ZNF714: variants seen among roughly 807,000 people sequenced by gnomAD.
The protein encoded by ZNF714 is zinc finger protein 714.
ZNF714 carries 32 observed loss-of-function variants against 46.2 expected under a neutral mutation model. That is an observed-to-expected ratio of 0.69 (90% CI 0.52 to 0.93). The LOEUF is 0.93. Ranked by LOEUF, ZNF714 falls within the 40% of genes least tolerant of loss-of-function variation. The pLI is 0.00. For missense variants in ZNF714, 635 were observed against 646.3 expected, an observed-to-expected ratio of 0.98 and a Z score of 0.19; for synonymous variants, 199 against 213.1, an observed-to-expected ratio of 0.93 and a Z score of 0.58.
In ZNF714 at chr19:21,116,872, G is replaced by T. The variant is rs199675041; in HGVS notation, c.208G>T (p.Val70Leu). ...EQDIKDSFQQ[V>L]ILRRHGKCEH... Reference sequence around the variant, plus strand: ...AGACATAAAAGATTCTTTTCAACAAGTGATACTGAGAAGACATGGCAAATG... The same window carrying T: ...AGACATAAAAGATTCTTTTCAACAATTGATACTGAGAAGACATGGCAAATG... Residue 70 changes from valine to leucine, a missense_variant, in exon 5 of 5, where the codon GTG (valine) becomes TTG (leucine). Val to Leu is a conservative substitution (Grantham distance 32). Coordinates refer to ENST00000456283, the MANE Select transcript of ZNF714 (RefSeq NM_182515.4). 67 of 1,613,426 alleles carry T rather than the reference G, an allele frequency of 4.2e-5. No individual in the cohort carries two copies. The African/African-American group carries it at 8.0e-4, about 19-fold the overall frequency.
At chr19:21,100,884 T>C (rs1969162638) in intron 4 of ZNF714, among the ~76,000 whole-genome samples, 1 of 151,970 alleles carries the variant, frequency 6.6e-6, no homozygotes, top group South Asian at 2.1e-4. Context: ...ATTTTTTTTG[T>C]AGTTTTAGTA....
chr19:21,108,618 A>G (rs778699612), intron 4 of ZNF714, among the ~76,000 whole-genome samples: 28 of 152,158 alleles, frequency 1.8e-4, no homozygotes, highest in South Asian at 2.1e-4. Context: ...GTCTTCCACC[A>G]TGATTGTAAG....
At chr19:21,105,049 G>T (rs1969278666) in intron 4 of ZNF714, among the ~76,000 whole-genome samples, 1 of 137,682 alleles carries the variant, frequency 7.3e-6, no homozygotes, top group Non-Finnish European at 1.5e-5. Flanking sequence ...TTTTGAGACG[G>T]AGTCTCACTC....
rs112111368 is a variant in ZNF714, at chr19:21,108,742, C to T, written c.143-8065C>T. Among the ~76,000 whole-genome samples, 157 of 152,282 alleles carry T rather than the reference C, an allele frequency of 1.0e-3. 1 individual carries two copies. The highest frequency in any genetic ancestry group is 3.2e-3 in the African/African-American group (135 of 41,542). On this transcript the variant is annotated intron_variant, in intron 4 of 4. Coordinates refer to ENST00000456283, the MANE Select transcript of ZNF714 (RefSeq NM_182515.4). ...ATAAGTTATACACTCAGGTATTCCT[C>T]TTTATGCAAAATAGTTAATACAGTC...
rs1393993130 is a variant in ZNF714, at chr19:21,117,351, C to T, written c.687C>T (p.Tyr229=). ...TGATTCATACTGGAGAGAAACCCTACAGATGTGAAGAATGTGGCAAAGCCT... is the reference window on the plus strand; with the variant it reads ...TGATTCATACTGGAGAGAAACCCTATAGATGTGAAGAATGTGGCAAAGCCT... ...HKMIHTGEKP[Y]RCEECGKAFY... The change falls in exon 5 of 5, where the codon TAC becomes TAT. Residue 229 remains tyrosine (Y), a synonymous_variant. Coordinates refer to ENST00000456283, the MANE Select transcript of ZNF714 (RefSeq NM_182515.4). 9 of 1,612,280 alleles carry T rather than the reference C, an allele frequency of 5.6e-6. No individual in the cohort carries two copies. Among genetic ancestry groups the T allele is most frequent in the Non-Finnish European group, 7.6e-6 (9 of 1,178,732 alleles).
At chr19:21,101,475 C>T (rs531158248) in intron 4 of ZNF714, among the ~76,000 whole-genome samples, 14 of 152,184 alleles carry the variant, frequency 9.2e-5, no homozygotes, top group African/African-American at 3.4e-4. Flanking sequence ...AGGGCAGACA[C>T]GAGGGCAGTG....
chr19:21,093,542 GTTTTTGTT>G (rs1369773463), intron 2 of ZNF714, among the ~76,000 whole-genome samples: 1 of 151,112 alleles, frequency 6.6e-6, no homozygotes, highest in Admixed American at 6.6e-5. Context: ...GTTTTTTTTT[GTTTTTGTT>G]TTTTTGTTTT....
rs1304241314 is a variant in ZNF714 at position 21,124,918 on chromosome 19, TTAAAA to T, written c.*6590_*6594del. ...TGTCCTCCAGCTTAATCTATGTAAT[TTAAAA>T]TAATATAATTTTTTTCTTTTTTTTT... On this transcript the variant is annotated 3_prime_UTR_variant, in exon 5 of 5. Coordinates refer to ENST00000456283, the MANE Select transcript of ZNF714 (RefSeq NM_182515.4). The T allele has an allele frequency of 2.1e-5, 3 of 146,052 alleles. No homozygotes were observed. The highest frequency in any genetic ancestry group is 5.0e-5 in the African/African-American group (2 of 40,092). 9.0% of individuals were successfully genotyped at this position (146,052 alleles called of 1,614,324 possible).
At chr19:21,113,235 A>T (rs1969502511) in intron 4 of ZNF714, 1 of 152,062 alleles carries the variant, frequency 6.6e-6, no homozygotes, top group South Asian at 2.1e-4. Flanking sequence ...GTGGCTGTGG[A>T]TGCCAGCCTC....
rs1969765692 is a variant in ZNF714 at position 21,124,701 on chromosome 19, T to C, written c.*6369T>C. Reference sequence around the variant, plus strand: ...TTGTACAATAAATCTCTTGAACTTATTTCTCCTATTTGACTATAATTACTT... The same window carrying C: ...TTGTACAATAAATCTCTTGAACTTACTTCTCCTATTTGACTATAATTACTT... On this transcript the variant is annotated 3_prime_UTR_variant, in exon 5 of 5. Transcript: ENST00000456283. 6.6e-6 allele frequency among the ~76,000 whole-genome samples: 1 copy of C among 152,136 alleles called. No individual in the cohort carries two copies. Among genetic ancestry groups the C allele is most frequent in the African/African-American group, 2.4e-5 (1 of 41,450 alleles).
At chr19:21,108,317 A>G (rs1969369404) in intron 4 of ZNF714, among the ~76,000 whole-genome samples, 1 of 152,200 alleles carries the variant, frequency 6.6e-6, no homozygotes. Flanking sequence ...TCTTGCTTTT[A>G]ACTGAAAAGT....
intron 4 of ZNF714, among the ~76,000 whole-genome samples, chr19:21,110,887 G>A (rs1240088632): frequency 6.6e-6 from 1 of 152,156 alleles, no homozygotes; most frequent in Non-Finnish European, 1.5e-5. Flanking sequence ...TCAAAGATCA[G>A]ATGGTTGTAG....
At chr19:21,087,655 T>C (rs928451590) in intron 2 of ZNF714, among the ~76,000 whole-genome samples, 2 of 152,210 alleles carry the variant, frequency 1.3e-5, no homozygotes, top group Non-Finnish European at 2.9e-5. Context: ...TTTATCTCAA[T>C]GTTCAATTTA....
Position 21,124,387 on chromosome 19 carries a change from A to T in ZNF714, c.*6055A>T, listed in dbSNP as rs578171478. On this transcript the variant is annotated 3_prime_UTR_variant, in exon 5 of 5. Transcript: ENST00000456283. ...TATCAGAGTTCCTATGATTATGACT[A>T]AAAAATTAAATGACAATAGTCCCCA... Among the ~76,000 whole-genome samples, 8 of 152,342 alleles carry T rather than the reference A, an allele frequency of 5.3e-5. No homozygotes were observed. Among genetic ancestry groups the T allele is most frequent in the South Asian group, 4.1e-4 (2 of 4,826 alleles).
chr19:21,085,821 G>A (rs1968764120), intron 2 of ZNF714, among the ~76,000 whole-genome samples: 1 of 150,720 alleles, frequency 6.6e-6, no homozygotes, highest in Non-Finnish European at 1.5e-5. Context: ...TGATGATAAA[G>A]TTGTTATTGT....
intron 4 of ZNF714, among the ~76,000 whole-genome samples, chr19:21,107,707 G>A (rs1332752949): frequency 1.3e-5 from 2 of 152,116 alleles, no homozygotes; most frequent in African/African-American, 4.8e-5. Flanking sequence ...ATTTGTTTTA[G>A]AGACAGGGTT....
At chr19:21,099,521 A>G (rs1011082233) in intron 4 of ZNF714, among the ~76,000 whole-genome samples, 3 of 152,014 alleles carry the variant, frequency 2.0e-5, no homozygotes, top group African/African-American at 7.2e-5. Context: ...CTCTTTTTGC[A>G]TCCTGTCTGA....
At chr19:21,083,593 T>A (rs1185321607) in intron 1 of ZNF714, among the ~76,000 whole-genome samples, 3 of 152,228 alleles carry the variant, frequency 2.0e-5, no homozygotes, top group Non-Finnish European at 2.9e-5. Context: ...TATCACCTGT[T>A]TGTCTTTTAG....
At chr19:21,110,334 G>C (rs1287058418) in intron 4 of ZNF714, among the ~76,000 whole-genome samples, 1 of 152,184 alleles carries the variant, frequency 6.6e-6, no homozygotes, top group South Asian at 2.1e-4. Flanking sequence ...ATTTGCATTT[G>C]TTTAATGATC....
Sources: gnomAD v4.1 joint callset for allele counts (sites outside exome capture counted in the v4.1 genomes callset) on GRCh38, gnomAD v4.1.1 for gene constraint, MANE v1.5 for transcripts, NCBI Gene and HGNC (gene_info 2026-07-23, HGNC 2026-07-21) for gene names.